The following LMO7 variants were observed in gnomAD, a reference collection of about 807,000 sequenced individuals.
LMO7 encodes LIM domain only protein 7.
In LMO7, 120 loss-of-function variants were observed where a neutral mutation model predicts 206.5. The observed-to-expected ratio is 0.58, with a 90% CI of 0.50 to 0.68. LMO7 has a LOEUF of 0.68. LMO7 is among the 30% of genes least tolerant of loss of function. The probability of loss-of-function intolerance (pLI) is 0.00; values close to 1 mark genes in which losing one functional copy is unlikely to be tolerated. For missense variants in LMO7, 1,959 were observed against 1,957.9 expected (o/e 1.00, Z -0.01); for synonymous variants, 706 against 681.5 (o/e 1.04, Z -0.56).
intron 15 of LMO7, among the ~76,000 whole-genome samples, chr13:75,828,912 C>T (rs897356616): frequency 2.6e-5 from 4 of 151,882 alleles, no homozygotes; most frequent in Non-Finnish European, 5.9e-5. Flanking sequence ...GTGTGGCATT[C>T]GAGTGGGGAA....
chr13:75,794,206 G>A (rs1359923683), intron 4 of LMO7, among the ~76,000 whole-genome samples: 1 of 152,176 alleles, frequency 6.6e-6, no homozygotes, highest in Non-Finnish European at 1.5e-5. Flanking sequence ...GAATATCAAT[G>A]TATTTAGCTT....
rs2059565523 is a variant in LMO7, at chr13:75,841,661, C to T, written c.3709C>T (p.Leu1237=). 1 of 1,614,004 alleles carries T rather than the reference C, an allele frequency of 6.2e-7. No homozygotes were observed. The highest frequency in any genetic ancestry group is 8.5e-7 in the Non-Finnish European group (1 of 1,179,912). Residue 1237 remains leucine (L), a synonymous_variant, in exon 24 of 31, where the codon CTG becomes TTG. Coordinates refer to ENST00000377534, the MANE Select transcript of LMO7 (RefSeq NM_001306080.2). ...GGTCCTAAGCTCAAACAGCATGTCT[C>T]TGACCACACGGGAGCCCTCTCTTGC... ...LMVLSSNSMS[L]TTREPSLATW... is the part of the protein sequence containing the mutation.
intron 1 of LMO7, among the ~76,000 whole-genome samples, chr13:75,654,960 CT>C (rs2037913599): frequency 6.6e-6 from 1 of 150,722 alleles, no homozygotes; most frequent in African/African-American, 2.4e-5. Context: ...CAACCTCTGC[CT>C]CCCGGGTTCC....
In LMO7 at chr13:75,741,492, G is replaced by A. The variant is rs185664951; in HGVS notation, c.210+14394G>A. ...ATGCAAAAATCCTCAACAAAACACC[G>A]GCAAACTGAATCCAGCAGCACATCA... On this transcript the variant is annotated intron_variant, in intron 3 of 30. Transcript: ENST00000377534. Among the ~76,000 whole-genome samples, 18 of 152,264 alleles carry A rather than the reference G, an allele frequency of 1.2e-4. No homozygotes were observed. In the East Asian group the frequency reaches 2.3e-3, roughly 20 times the overall value.
intron 3 of LMO7, among the ~76,000 whole-genome samples, chr13:75,747,721 A>T (rs998418349): frequency 2.0e-5 from 3 of 152,186 alleles, no homozygotes; most frequent in Non-Finnish European, 4.4e-5. Flanking sequence ...GCCCCCAAGG[A>T]TGTTCACATT....
chr13:75,698,711 A>T (rs1594355080), intron 1 of LMO7, among the ~76,000 whole-genome samples: 1 of 151,930 alleles, frequency 6.6e-6, no homozygotes. Flanking sequence ...GATGGTGCGA[A>T]AGGTCTTTGT....
chr13:75,833,583 G>A (rs1249651970), intron 16 of LMO7, among the ~76,000 whole-genome samples: 1 of 152,050 alleles, frequency 6.6e-6, no homozygotes, highest in African/African-American at 2.4e-5. Flanking sequence ...AGTTTTCAGG[G>A]TGCTTCAGGA....
At chr13:75,732,791 A>G (rs1239690970) in intron 3 of LMO7, among the ~76,000 whole-genome samples, 3 of 152,044 alleles carry the variant, frequency 2.0e-5, no homozygotes, top group Admixed American at 6.6e-5. Flanking sequence ...TGATGTACAG[A>G]TGGGTTTTTG....
At chr13:75,678,546 C>G (rs976088340) in intron 1 of LMO7, among the ~76,000 whole-genome samples, 1 of 152,050 alleles carries the variant, frequency 6.6e-6, no homozygotes, top group Non-Finnish European at 1.5e-5. Context: ...TGATGGTGGC[C>G]CTTGAGAGAT....
chr13:75,712,647 G>T (rs1276408308), intron 1 of LMO7, among the ~76,000 whole-genome samples: 1 of 152,056 alleles, frequency 6.6e-6, no homozygotes, highest in Non-Finnish European at 1.5e-5. Flanking sequence ...TTCTCCCCAG[G>T]ATGTTTCAAT....
intron 3 of LMO7, among the ~76,000 whole-genome samples, chr13:75,745,253 G>C (rs2046742378): frequency 6.6e-6 from 1 of 152,098 alleles, no homozygotes; most frequent in Non-Finnish European, 1.5e-5. Flanking sequence ...AGGCATCATG[G>C]GCTTTGTTGG....
In LMO7 at chr13:75,858,848, G is replaced by T. The variant is rs1054531248; in HGVS notation, c.*905G>T. The T allele has an allele frequency of 6.6e-6, 1 of 152,030 alleles. No homozygotes were observed. Among genetic ancestry groups the T allele is most frequent in the Non-Finnish European group, 1.5e-5 (1 of 67,992 alleles). 9.4% of individuals were successfully genotyped at this position (152,030 alleles called of 1,614,324 possible). ...TGTATACTTTGACAAATTTTGACAT[G>T]GTGTATACCTTCGAAACTATGCCAC... On this transcript the variant is annotated 3_prime_UTR_variant, in exon 31 of 31. Transcript: ENST00000377534.
chr13:75,771,585 T>TTTTAAAGACTTTAAAAACAGAATC (rs1178310800), intron 4 of LMO7, among the ~76,000 whole-genome samples: 1 of 151,914 alleles, frequency 6.6e-6, no homozygotes. Context: ...AAAACAGAAT[T>TTTTAAAGACTTTAAAAACAGAATC]AGTAAGTATA....
At chr13:75,696,847 C>G (rs1030049111) in intron 1 of LMO7, among the ~76,000 whole-genome samples, 4 of 152,120 alleles carry the variant, frequency 2.6e-5, no homozygotes, top group African/African-American at 9.6e-5. Context: ...TGGACTGAGC[C>G]GAGGGGAGGT....
At chr13:75,645,250 G>T (rs978659427) in intron 1 of LMO7, among the ~76,000 whole-genome samples, 28 of 152,142 alleles carry the variant, frequency 1.8e-4, no homozygotes, top group African/African-American at 5.8e-4. Context: ...AGTGTTTTAG[G>T]CTTGTTAGTA....
rs185588395 is a variant in LMO7, at chr13:75,750,297, T to G, written c.211-10635T>G. 1.1e-3 allele frequency among the ~76,000 whole-genome samples: 160 copies of G among 152,150 alleles called. 1 individual carries two copies. The highest frequency in any genetic ancestry group is 3.8e-3 in the African/African-American group (157 of 41,500). On this transcript the variant is annotated intron_variant, in intron 3 of 30. Coordinates refer to ENST00000377534, the MANE Select transcript of LMO7 (RefSeq NM_001306080.2). ...TACTAAAGAGAAACACTGTCTTAAG[T>G]TATATTTGATGAAAACCTTTTCCTC...
At chr13:75,776,161 G>GGATA (rs2050382223) in intron 4 of LMO7, among the ~76,000 whole-genome samples, 7 of 16,876 alleles carry the variant, frequency 4.1e-4, no homozygotes, top group Non-Finnish European at 9.3e-4. Context: ...TATATATATC[G>GGATA]GATATATATA....
At chr13:75,805,176 GCTGT>G in intron 8 of LMO7, 1 of 1,181,672 alleles carries the variant, frequency 8.5e-7, no homozygotes, top group Non-Finnish European at 1.0e-6. Flanking sequence ...CCTGGATCTG[GCTGT>G]CTATTATGCT....
At chr13:75,661,126 G>T (rs1000618638) in intron 1 of LMO7, among the ~76,000 whole-genome samples, 10 of 152,152 alleles carry the variant, frequency 6.6e-5, no homozygotes, top group African/African-American at 2.2e-4. Context: ...GACCTCTGTT[G>T]TATATATTTA....
Sources: allele counts gnomAD v4.1 joint callset (sites outside exome capture counted in the v4.1 genomes callset), GRCh38; gene constraint gnomAD v4.1.1; transcripts MANE v1.5; gene names NCBI Gene and HGNC (gene_info 2026-07-23, HGNC 2026-07-21).